Variants in RBFOX3 observed in about 807,000 individuals in gnomAD.
RBFOX3 encodes the protein RNA binding protein fox-1 homolog 3.
In RBFOX3, 17 loss-of-function variants were observed where a neutral mutation model predicts 48.7. That is an observed-to-expected ratio of 0.35 (90% CI 0.24 to 0.52). RBFOX3 has a LOEUF of 0.52. RBFOX3 is among the 20% of genes least tolerant of loss of function. RBFOX3 has a pLI of 0.94. For synonymous variants in RBFOX3, 212 were observed against 209.5 expected (o/e 1.01, Z -0.10); for missense variants, 382 against 497.5 (o/e 0.77, Z 2.21).
rs563738464 is a variant in RBFOX3, at chr17:79,161,494, C to G, written c.-33-45746G>C. 1.3e-3 allele frequency among the ~76,000 whole-genome samples: 193 copies of G among 152,314 alleles called. 1 individual carries two copies. The highest frequency in any genetic ancestry group is 4.3e-3 in the African/African-American group (179 of 41,564). On this transcript the variant is annotated intron_variant, in intron 4 of 14. Transcript: ENST00000693108. ...ACAATGCGTCTTCCTGCAACTTAAC[C>G]CCCTCGGGGGTGTGTGGAGGCCCGG...
intron 3 of RBFOX3, among the ~76,000 whole-genome samples, chr17:79,289,230 G>A (rs1019915702): frequency 6.6e-6 from 1 of 152,226 alleles, no homozygotes; most frequent in Admixed American, 6.5e-5. Flanking sequence ...GGCGGGTTAG[G>A]TGTGGCAAGA....
At chr17:79,308,382 A>G (rs1342545286) in intron 2 of RBFOX3, among the ~76,000 whole-genome samples, 2 of 152,106 alleles carry the variant, frequency 1.3e-5, no homozygotes, top group Non-Finnish European at 2.9e-5. Context: ...ATCAGACCCC[A>G]TCAGTGTCAC....
intron 4 of RBFOX3, among the ~76,000 whole-genome samples, chr17:79,170,296 T>A (rs1381624182): frequency 6.6e-6 from 1 of 151,992 alleles, no homozygotes; most frequent in Admixed American, 6.6e-5. Context: ...TGTTCATGGC[T>A]GGCTGGGGTA....
At chr17:79,604,328 C>T (rs1424155707) in intron 1 of RBFOX3, among the ~76,000 whole-genome samples, 2 of 152,222 alleles carry the variant, frequency 1.3e-5, no homozygotes, top group African/African-American at 2.4e-5. Flanking sequence ...TTCTGGGTTT[C>T]CTTTTTTTGC....
intron 1 of RBFOX3, among the ~76,000 whole-genome samples, chr17:79,573,295 G>A (rs981549088): frequency 2.0e-5 from 3 of 152,220 alleles, no homozygotes; most frequent in Admixed American, 2.0e-4. Context: ...AAAGGCAGAG[G>A]GAGCTGGGCA....
intron 4 of RBFOX3, among the ~76,000 whole-genome samples, chr17:79,206,149 G>A (rs907698711): frequency 1.3e-5 from 2 of 152,156 alleles, no homozygotes; most frequent in East Asian, 1.9e-4. Context: ...AATATTTAGA[G>A]TCTGGGGCTT....
At chr17:79,632,625 G>A in the RBFOX3 span, among the ~76,000 whole-genome samples, 18 of 151,928 alleles carry the variant, frequency 1.2e-4, no homozygotes, top group Non-Finnish European at 2.4e-4. Flanking sequence ...CTCCTGTGGC[G>A]GAGTACAGTG....
At chr17:79,435,531 G>T (rs781897378) in intron 2 of RBFOX3, among the ~76,000 whole-genome samples, 2 of 152,242 alleles carry the variant, frequency 1.3e-5, no homozygotes, top group Non-Finnish European at 2.9e-5. Flanking sequence ...TGTAGAAGGA[G>T]AATGAGCACA....
intron 2 of RBFOX3, among the ~76,000 whole-genome samples, chr17:79,339,369 G>A (rs572547443): frequency 5.3e-5 from 8 of 152,116 alleles, no homozygotes; most frequent in South Asian, 2.1e-4. Context: ...ATTCTTAGTC[G>A]CGCTGAAGCT....
At chr17:79,259,542 G>T (rs1421613395) in intron 3 of RBFOX3, among the ~76,000 whole-genome samples, 4 of 152,148 alleles carry the variant, frequency 2.6e-5, no homozygotes, top group African/African-American at 9.6e-5. Context: ...CCTGAGGAGG[G>T]AAGGGAGCAG....
intron 3 of RBFOX3, among the ~76,000 whole-genome samples, chr17:79,276,764 T>C (rs1193517814): frequency 1.3e-5 from 2 of 152,170 alleles, no homozygotes; most frequent in African/African-American, 4.8e-5. Context: ...CTTCAGCTGC[T>C]GCACCGGCCA....
At chr17:79,140,502 C>T (rs1280652509) in intron 4 of RBFOX3, among the ~76,000 whole-genome samples, 1 of 152,252 alleles carries the variant, frequency 6.6e-6, no homozygotes. Flanking sequence ...GGCACCGGCA[C>T]CCACATTAGC....
At chr17:79,097,148 C>T (rs1483668599) in intron 11 of RBFOX3, 144 bp downstream of exon 11, 2 of 738,380 alleles carry the variant, frequency 2.7e-6, no homozygotes. Flanking sequence ...AGCTGCAGGG[C>T]TGAGTTCTGG....
At chr17:79,446,116 G>C (rs2072240013) in intron 2 of RBFOX3, among the ~76,000 whole-genome samples, 1 of 152,180 alleles carries the variant, frequency 6.6e-6, no homozygotes, top group Non-Finnish European at 1.5e-5. Flanking sequence ...GGGGACCTGG[G>C]AGGTGACAGC....
intron 5 of RBFOX3, among the ~76,000 whole-genome samples, chr17:79,113,075 C>A (rs2032609413): frequency 6.6e-6 from 1 of 152,208 alleles, no homozygotes; most frequent in Non-Finnish European, 1.5e-5. Context: ...TCCCGAAGAT[C>A]TAGACCACAA....
At chr17:79,215,059 C>A (rs1182717619) in intron 4 of RBFOX3, among the ~76,000 whole-genome samples, 1 of 152,190 alleles carries the variant, frequency 6.6e-6, no homozygotes, top group Admixed American at 6.5e-5. Flanking sequence ...AGCCCACCCC[C>A]TGGCTCCCTG....
chr17:79,284,411 A>T (rs1003402617), intron 3 of RBFOX3, among the ~76,000 whole-genome samples: 7 of 152,086 alleles, frequency 4.6e-5, no homozygotes, highest in African/African-American at 1.7e-4. Flanking sequence ...TGTTCAGAAA[A>T]TAACAGCAAC....
At position 79,235,756 on chromosome 17, in the gene RBFOX3, G is replaced by A. The variant is rs554304177; in HGVS notation, c.-34+10C>T. On this transcript the variant is annotated intron_variant, in intron 4 of 14. Coordinates refer to ENST00000693108, the MANE Select transcript of RBFOX3 (RefSeq NM_001350451.2). ...AAACTATTCAGGAAAAATAGAGAAA[G>A]TCTTTATACCTTTTATTCAGCCAAT... The A allele has an allele frequency of 3.2e-5, 5 of 153,848 alleles. No individual in the cohort carries two copies. Among genetic ancestry groups the A allele is most frequent in the African/African-American group, 1.2e-4 (5 of 41,560 alleles). The allele number at this position is 153,848 out of a possible 1,614,324, so 9.5% of individuals were successfully genotyped here. A position where few individuals can be genotyped will look rare whatever the true frequency, so the allele number is the denominator to read the frequency against.
rs987536188 is a variant in RBFOX3, at chr17:79,480,803, C to T, written c.-175+1651G>A. On this transcript the variant is annotated intron_variant, in intron 2 of 14. Coordinates refer to ENST00000693108, the MANE Select transcript of RBFOX3 (RefSeq NM_001350451.2). The surrounding 1 kb of genome is among the most constrained non-coding windows in gnomAD (Gnocchi z 4.8). ...GGCAACTGCAGCCCCCACCATTCCC[C>T]GTGGTCTTAATGCACTGCATTTATC... Among the ~76,000 whole-genome samples, 5 of 152,210 alleles carry T rather than the reference C, an allele frequency of 3.3e-5. No individual in the cohort carries two copies. Among genetic ancestry groups the T allele is most frequent in the African/African-American group, 7.2e-5 (3 of 41,448 alleles).
Sources: allele counts gnomAD v4.1 joint callset (sites outside exome capture counted in the v4.1 genomes callset), GRCh38; gene constraint gnomAD v4.1.1; non-coding constraint Gnocchi (gnomAD v3.1); transcripts MANE v1.5; gene names NCBI Gene and HGNC (gene_info 2026-07-23, HGNC 2026-07-21).